AFAP1L1: variants seen among roughly 807,000 people sequenced by gnomAD.
The protein encoded by AFAP1L1 is actin filament-associated protein 1-like 1.
A neutral mutation model predicts 99.8 loss-of-function variants in AFAP1L1; 77 were observed. The ratio of observed to expected loss-of-function variants is 0.77; its 90% CI spans 0.64 to 0.93. AFAP1L1 has a LOEUF of 0.93. AFAP1L1 is among the 40% of genes least tolerant of loss of function. The pLI, the probability that AFAP1L1 is intolerant of heterozygous loss-of-function variation, is 0.00. For synonymous variants in AFAP1L1, 373 were observed against 395.3 expected, an observed-to-expected ratio of 0.94 and a Z score of 0.67; for missense variants, 893 against 996.8, an observed-to-expected ratio of 0.90 and a Z score of 1.40.
chr5:149,333,214 G>A (rs1757307662), intron 17 of AFAP1L1, among the ~76,000 whole-genome samples: 1 of 152,178 alleles, frequency 6.6e-6, no homozygotes, highest in Non-Finnish European at 1.5e-5. Flanking sequence ...ATTACTATAG[G>A]CATCTTAACC....
chr5:149,288,272 G>A (rs974659274), intron 1 of AFAP1L1, among the ~76,000 whole-genome samples: 1 of 152,240 alleles, frequency 6.6e-6, no homozygotes, highest in African/African-American at 2.4e-5. Context: ...ATGAGGTCTA[G>A]GTTTGAATCT....
At chr5:149,312,821 A>G (rs964985779) in intron 9 of AFAP1L1, among the ~76,000 whole-genome samples, 8 of 150,974 alleles carry the variant, frequency 5.3e-5, no homozygotes, top group Admixed American at 5.3e-4. Flanking sequence ...AGAGAGAAAG[A>G]AAGAAAGAGA....
chr5:149,292,715 T>G (rs536101523), intron 1 of AFAP1L1, among the ~76,000 whole-genome samples: 1 of 152,276 alleles, frequency 6.6e-6, no homozygotes, highest in South Asian at 2.1e-4. Context: ...TCCCTAAGAC[T>G]CAACTAAACC....
Position 149,310,136 on chromosome 5 carries a change from G to A in AFAP1L1, c.927+1G>A, listed in dbSNP as rs760391981. 1 of 1,590,582 alleles carries A rather than the reference G, an allele frequency of 6.3e-7. No individual in the cohort carries two copies. On this transcript the variant is annotated splice_donor_variant, in intron 8 of 18. Coordinates refer to ENST00000296721, the MANE Select transcript of AFAP1L1 (RefSeq NM_152406.4). LOFTEE classifies it high-confidence loss of function. ...AGAGCAGGCCGAGGAGTGGCTGAAGGTGCGTGGCCTGCACCTGACCTTCCC... is the reference window on the plus strand; with the variant it reads ...AGAGCAGGCCGAGGAGTGGCTGAAGATGCGTGGCCTGCACCTGACCTTCCC...
At chr5:149,315,483 CA>C (rs1428411773) in intron 9 of AFAP1L1, among the ~76,000 whole-genome samples, 4 of 152,162 alleles carry the variant, frequency 2.6e-5, no homozygotes, top group Non-Finnish European at 4.4e-5. Flanking sequence ...CTTCCTAAAC[CA>C]ATTTGGATTA....
intron 6 of AFAP1L1, among the ~76,000 whole-genome samples, chr5:149,306,709 GC>G (rs1317585944): frequency 6.6e-6 from 1 of 152,194 alleles, no homozygotes; most frequent in Non-Finnish European, 1.5e-5. Flanking sequence ...CTGGGTTATT[GC>G]TGAAAATAAC....
rs1409324377 is a variant in AFAP1L1, at chr5:149,271,976, G to A, written c.8G>A (p.Arg3Gln). ...GGGGACCGGGCCGGCGCCATGGACC[G>A]AGGCCAGGGTAAGAGGGGCCGCGAC... MD[R>Q]GQVLEQLLPE... Residue 3 changes from arginine (R) to glutamine (Q), a missense_variant, in exon 1 of 19, where the codon CGA becomes CAA. Transcript: ENST00000296721. The A allele has an allele frequency of 8.1e-7, 1 of 1,237,520 alleles. No homozygotes were observed. Among genetic ancestry groups the A allele is most frequent in the Non-Finnish European group, 1.0e-6 (1 of 988,204 alleles). The allele number at this position is 1,237,520 out of a possible 1,614,324, so 76.7% of individuals were successfully genotyped here.
At chr5:149,319,310 A>C (rs1756886051) in intron 12 of AFAP1L1, among the ~76,000 whole-genome samples, 1 of 152,098 alleles carries the variant, frequency 6.6e-6, no homozygotes, top group African/African-American at 2.4e-5. Flanking sequence ...AGGCTCTGAG[A>C]ATGGAAAGTG....
chr5:149,272,055 CGGAGA>C (rs1176096226), intron 1 of AFAP1L1, 71 bp downstream of exon 1: 2 of 1,118,066 alleles, frequency 1.8e-6, no homozygotes, highest in African/African-American at 3.3e-5. Context: ...GATCTGAAGC[CGGAGA>C]GGAGGAGGGA....
intron 14 of AFAP1L1, among the ~76,000 whole-genome samples, chr5:149,321,765 G>T (rs369362361): frequency 6.8e-6 from 1 of 147,846 alleles, no homozygotes; most frequent in Non-Finnish European, 1.5e-5. Flanking sequence ...TAGGCTGGGC[G>T]CAGTGGCTCA....
intron 2 of AFAP1L1, 79 bp from the exon 3 acceptor site, chr5:149,300,192 G>A (rs1228553040): frequency 2.1e-6 from 2 of 967,196 alleles, no homozygotes; most frequent in Non-Finnish European, 3.1e-6. Context: ...TGTCCCATGT[G>A]GGCTAGAAGT....
At chr5:149,304,549 G>T (rs530288843) in intron 5 of AFAP1L1, among the ~76,000 whole-genome samples, 8 of 152,220 alleles carry the variant, frequency 5.3e-5, no homozygotes, top group Non-Finnish European at 1.0e-4. Flanking sequence ...CCCAGAAGCA[G>T]CTGGAATCCT....
chr5:149,293,736 T>C (rs1471789026), intron 1 of AFAP1L1, among the ~76,000 whole-genome samples: 2 of 152,202 alleles, frequency 1.3e-5, no homozygotes, highest in African/African-American at 4.8e-5. Context: ...AATATGGCTA[T>C]CATTTAGTGA....
intron 1 of AFAP1L1, among the ~76,000 whole-genome samples, chr5:149,274,581 G>A (rs79250137): frequency 0.011 from 1,712 of 152,214 alleles, 37 homozygotes; most frequent in African/African-American, 0.039. Flanking sequence ...TAAAACATGA[G>A]ACTTCAAGTA....
chr5:149,301,189 G>A lies in AFAP1L1; in HGVS notation c.286G>A (p.Gly96Arg), dbSNP rs1323240480. 3.1e-6 allele frequency: 5 copies of A among 1,614,094 alleles called. No homozygotes were observed. Among genetic ancestry groups the A allele is most frequent in the Non-Finnish European group, 3.4e-6 (4 of 1,179,972 alleles). ...AGAGGATGATGGGGAGCCCAGCAAAGGAGCCAGCCCTGAGCTAGCCAAGAG... is the reference window on the plus strand; with the variant it reads ...AGAGGATGATGGGGAGCCCAGCAAAAGAGCCAGCCCTGAGCTAGCCAAGAG... ...MPEDDGEPSKGASPELAKSPR... is the reference protein window; with the variant it reads ...MPEDDGEPSKRASPELAKSPR... The change falls in exon 4 of 19, where the codon GGA (glycine) becomes AGA (arginine). Residue 96 changes from glycine (G) to arginine (R), a missense_variant. Coordinates refer to ENST00000296721, the MANE Select transcript of AFAP1L1 (RefSeq NM_152406.4).
At chr5:149,321,362 A>G (rs1407983446) in intron 14 of AFAP1L1, among the ~76,000 whole-genome samples, 2 of 152,116 alleles carry the variant, frequency 1.3e-5, no homozygotes, top group African/African-American at 2.4e-5. Flanking sequence ...TCACTTCCTG[A>G]CTCCAAAAGG....
At chr5:149,314,729 C>G (rs1281004463) in intron 9 of AFAP1L1, among the ~76,000 whole-genome samples, 16 of 152,186 alleles carry the variant, frequency 1.1e-4, no homozygotes, top group Admixed American at 1.0e-3. Context: ...CTCCTGTCCT[C>G]TCCGTCCCCC....
At chr5:149,279,959 A>G (rs1755463171) in intron 1 of AFAP1L1, among the ~76,000 whole-genome samples, 3 of 152,320 alleles carry the variant, frequency 2.0e-5, no homozygotes, top group East Asian at 1.9e-4. Flanking sequence ...AGCTGTTCAT[A>G]TGAGCTCTGT....
At chr5:149,329,956 CCTCCTT>C (rs1757209978) in intron 16 of AFAP1L1, 126 bp downstream of exon 16, 1 of 686,016 alleles carries the variant, frequency 1.5e-6, no homozygotes, top group Non-Finnish European at 2.3e-6. Flanking sequence ...CTCCTCCCCT[CCTCCTT>C]CTCCTCCTCC....
Sources: allele counts gnomAD v4.1 joint callset (sites outside exome capture counted in the v4.1 genomes callset), GRCh38; gene constraint gnomAD v4.1.1; transcripts MANE v1.5; gene names NCBI Gene and HGNC (gene_info 2026-07-23, HGNC 2026-07-21).